RASGRP3: variants seen among roughly 807,000 people sequenced by gnomAD.
The protein encoded by RASGRP3 is RAS guanyl releasing protein 3, also known as ras guanyl-releasing protein 3.
Under a neutral mutation model 82.7 loss-of-function variants are expected in RASGRP3, and 54 were observed. The observed-to-expected ratio is 0.65, with a 90% CI of 0.52 to 0.82. The LOEUF is 0.82. Among genes scored for constraint, RASGRP3 ranks in the 40% least tolerant of loss-of-function variants. The pLI is 0.00. For missense variants in RASGRP3, 861 were observed against 828.9 expected (o/e 1.04, Z -0.48); for synonymous variants, 309 against 300.5 (o/e 1.03, Z -0.29).
chr2:33,454,823 T>G lies in RASGRP3; in HGVS notation c.-261+6880T>G, dbSNP rs186879814. Among the ~76,000 whole-genome samples, 246 of 152,384 alleles carry G rather than the reference T, an allele frequency of 1.6e-3. 1 individual carries two copies. In the Middle Eastern group the frequency reaches 0.024, roughly 15 times the overall value. On this transcript the variant is annotated intron_variant, in intron 2 of 18. Coordinates refer to the RASGRP3 transcript ENST00000402538. ...TATAACTGCTAATAGGTTGTAAGTT[T>G]TATACCTTGTATATTTGCCACAGAA... is the stretch of plus-strand genomic sequence containing the variant.
chr2:33,539,487 G>A (rs1422590512), intron 12 of RASGRP3: 8 of 288,050 alleles, frequency 2.8e-5, no homozygotes, highest in Non-Finnish European at 5.2e-5. Context: ...ATTGTCAACA[G>A]CTCAAGGGAT....
In RASGRP3 at chr2:33,524,425, A is replaced by T. The variant is rs770990321; in HGVS notation, c.691-7A>T. 12 of 1,540,268 alleles carry T rather than the reference A, an allele frequency of 7.8e-6. No homozygotes were observed. The highest frequency in any genetic ancestry group is 7.9e-6 in the Non-Finnish European group (9 of 1,133,924). ...CCTTAAAAAGCATTGATGCATTTTTATTGCAGAAGCTCCTTCAGCTCAAAA... is the reference window on the plus strand; with the variant it reads ...CCTTAAAAAGCATTGATGCATTTTTTTTGCAGAAGCTCCTTCAGCTCAAAA... On this transcript the variant is annotated splice_polypyrimidine_tract_variant and splice_region_variant and intron_variant, in intron 8 of 17. Transcript: ENST00000403687.
intron 1 of RASGRP3, among the ~76,000 whole-genome samples, chr2:33,500,927 C>T (rs567953382): frequency 1.3e-5 from 2 of 151,906 alleles, no homozygotes; most frequent in Admixed American, 6.6e-5. Flanking sequence ...AGCAAGACTC[C>T]GTCTCAAAAA....
intron 2 of RASGRP3, among the ~76,000 whole-genome samples, chr2:33,469,307 T>C (rs1446010275): frequency 1.3e-5 from 2 of 152,198 alleles, no homozygotes; most frequent in Non-Finnish European, 2.9e-5. Context: ...ATATATGTTT[T>C]ATATTTTATG....
intron 1 of RASGRP3, among the ~76,000 whole-genome samples, chr2:33,502,095 G>A (rs1669923775): frequency 6.6e-6 from 1 of 152,144 alleles, no homozygotes; most frequent in Non-Finnish European, 1.5e-5. Context: ...GGGAGAGATG[G>A]CCAGTAGAGG....
intron 2 of RASGRP3, among the ~76,000 whole-genome samples, chr2:33,450,834 T>C (rs1322464675): frequency 1.4e-5 from 1 of 69,178 alleles, no homozygotes; most frequent in Non-Finnish European, 2.9e-5. Flanking sequence ...TTTTTTTTTT[T>C]TTTTTTTTTT....
intron 7 of RASGRP3, among the ~76,000 whole-genome samples, chr2:33,523,308 TA>T (rs753600296): frequency 6.6e-6 from 1 of 151,900 alleles, no homozygotes; most frequent in Non-Finnish European, 1.5e-5. Context: ...CTAAAAATAC[TA>T]AAAAATTTAG....
intron 9 of RASGRP3, among the ~76,000 whole-genome samples, chr2:33,524,815 C>T (rs1000261849): frequency 2.0e-5 from 3 of 152,056 alleles, no homozygotes; most frequent in Non-Finnish European, 1.5e-5. Context: ...CACGGTGGCT[C>T]ACACCTGTAA....
At chr2:33,532,103 A>G (rs2151049415) in intron 10 of RASGRP3, 1 of 152,364 alleles carries the variant, frequency 6.6e-6, no homozygotes, top group African/African-American at 2.4e-5. Context: ...AGAGCCTGGC[A>G]CAGTTGTCTG....
At chr2:33,535,239 G>T (rs1023053837) in intron 11 of RASGRP3, among the ~76,000 whole-genome samples, 3 of 152,206 alleles carry the variant, frequency 2.0e-5, no homozygotes, top group African/African-American at 7.2e-5. Flanking sequence ...TATATAATGA[G>T]ATTGAAGAAA....
chr2:33,481,061 G>A (rs1030270565), intron 1 of RASGRP3: 16 of 152,218 alleles, frequency 1.1e-4, no homozygotes, highest in African/African-American at 3.6e-4. Flanking sequence ...TGAGTGACTT[G>A]TCTATGGTCA....
At chr2:33,519,826 G>A (rs371843947) in intron 4 of RASGRP3, 126 bp from the exon 5 acceptor site, 51 of 620,212 alleles carry the variant, frequency 8.2e-5, no homozygotes, top group Middle Eastern at 3.5e-4. Context: ...ACTTCTCTCC[G>A]TATTTGAGTG....
chr2:33,505,734 A>G (rs1311184652), intron 1 of RASGRP3, among the ~76,000 whole-genome samples: 1 of 152,214 alleles, frequency 6.6e-6, no homozygotes, highest in Non-Finnish European at 1.5e-5. Context: ...TTGAGGCATT[A>G]TTTGGAAAGT....
chr2:33,497,206 ATAGT>A (rs1669405150), intron 1 of RASGRP3, among the ~76,000 whole-genome samples: 2 of 152,208 alleles, frequency 1.3e-5, no homozygotes, highest in African/African-American at 4.8e-5. Flanking sequence ...TGTATGATTA[ATAGT>A]TAAAGGGTGC....
intron 14 of RASGRP3, among the ~76,000 whole-genome samples, chr2:33,552,597 A>G (rs1277384846): frequency 1.3e-5 from 2 of 152,206 alleles, no homozygotes; most frequent in East Asian, 1.9e-4. Context: ...TGTGTCATTG[A>G]AAGGAATTGT....
At chr2:33,493,919 G>C (rs887462633) in intron 1 of RASGRP3, among the ~76,000 whole-genome samples, 2 of 152,092 alleles carry the variant, frequency 1.3e-5, no homozygotes, top group Non-Finnish European at 2.9e-5. Context: ...GCCAAAGGGT[G>C]GCTTCGTGTC....
chr2:33,481,447 C>T (rs1279731793), intron 1 of RASGRP3: 5 of 152,228 alleles, frequency 3.3e-5, no homozygotes, highest in African/African-American at 1.2e-4. Context: ...AGGCATGAGC[C>T]ACTGCGCCTG....
At chr2:33,506,488 T>G (rs1282374269) in intron 1 of RASGRP3, among the ~76,000 whole-genome samples, 1 of 152,228 alleles carries the variant, frequency 6.6e-6, no homozygotes, top group Non-Finnish European at 1.5e-5. Context: ...ATAGGCAATT[T>G]TCCCAACATT....
At chr2:33,442,560 G>T (rs530637770) in intron 1 of RASGRP3, among the ~76,000 whole-genome samples, 11 of 152,310 alleles carry the variant, frequency 7.2e-5, no homozygotes, top group Admixed American at 7.2e-4. Flanking sequence ...GCCATTGACG[G>T]CCTCTCCTCC....
Sources: gnomAD v4.1 joint callset for allele counts (sites outside exome capture counted in the v4.1 genomes callset) on GRCh38, gnomAD v4.1.1 for gene constraint, MANE v1.5 for transcripts, NCBI Gene and HGNC (gene_info 2026-07-23, HGNC 2026-07-21) for gene names.